Variants in FUBP3 observed in about 807,000 individuals in gnomAD.
FUBP3 encodes the protein far upstream element binding protein 3.
A neutral mutation model predicts 85.6 loss-of-function variants in FUBP3; 28 were observed. The observed-to-expected ratio is 0.33, with a 90% CI of 0.24 to 0.45. The LOEUF is 0.45. Among genes scored for constraint, FUBP3 ranks in the 20% least tolerant of loss-of-function variants. The pLI is 1.00. For missense variants in FUBP3, 583 were observed against 755.1 expected (o/e 0.77, Z 2.67); for synonymous variants, 271 against 271.4 (o/e 1.00, Z 0.01).
chr9:130,594,117 G>A (rs1230711964), intron 1 of FUBP3, among the ~76,000 whole-genome samples: 2 of 152,004 alleles, frequency 1.3e-5, no homozygotes, highest in African/African-American at 2.4e-5. Context: ...TTATAGGATG[G>A]GTGTATTCCT....
intron 5 of FUBP3, among the ~76,000 whole-genome samples, chr9:130,614,012 G>A (rs1432625986): frequency 6.6e-6 from 1 of 152,256 alleles, no homozygotes; most frequent in African/African-American, 2.4e-5. Context: ...ATGTGAGTGG[G>A]TCAGAAGTGA....
chr9:130,597,014 A>C (rs1220628271), intron 2 of FUBP3, among the ~76,000 whole-genome samples: 4 of 152,000 alleles, frequency 2.6e-5, no homozygotes, highest in Non-Finnish European at 5.9e-5. Context: ...ATTCGTACCC[A>C]TTAACCCCCC....
intron 2 of FUBP3, among the ~76,000 whole-genome samples, chr9:130,607,131 T>A (rs1308745530): frequency 6.9e-6 from 1 of 145,754 alleles, no homozygotes; most frequent in Non-Finnish European, 1.5e-5. Flanking sequence ...CCCAGCTAAT[T>A]TGTGTATTTT....
At chr9:130,598,550 G>A (rs527920146) in intron 2 of FUBP3, among the ~76,000 whole-genome samples, 65 of 152,378 alleles carry the variant, frequency 4.3e-4, no homozygotes, top group African/African-American at 1.5e-3. Context: ...AAAAGGTAAA[G>A]AGGTTACTTT....
chr9:130,590,856 A>C (rs1830592532), intron 1 of FUBP3, among the ~76,000 whole-genome samples: 1 of 152,032 alleles, frequency 6.6e-6, no homozygotes, highest in Admixed American at 6.6e-5. Context: ...GAAAATAGGA[A>C]ATTAATGTTT....
intron 2 of FUBP3, among the ~76,000 whole-genome samples, chr9:130,605,520 G>A (rs552083804): frequency 2.0e-5 from 3 of 152,350 alleles, no homozygotes; most frequent in Admixed American, 6.5e-5. Flanking sequence ...CAGTGTGATC[G>A]CACCTTCCTC....
rs1353244444 is a variant in FUBP3 at position 130,637,984 on chromosome 9, T to TA, written c.*964dup. ...CTAGATGAATAAATAAATCTAGTATTAACCGCATTATGAATTAAATAATTT... is the reference window on the plus strand; with the variant it reads ...CTAGATGAATAAATAAATCTAGTATTAAACCGCATTATGAATTAAATAATTT... On this transcript the variant is annotated 3_prime_UTR_variant, in exon 19 of 19. Coordinates refer to ENST00000319725, the MANE Select transcript of FUBP3 (RefSeq NM_003934.2). 6 of 152,618 alleles carry TA rather than the reference T, an allele frequency of 3.9e-5. No individual in the cohort carries two copies. Among genetic ancestry groups the TA allele is most frequent in the Admixed American group, 3.9e-4 (6 of 15,270 alleles). The allele number at this position is 152,618 out of a possible 1,614,324, so 9.5% of individuals were successfully genotyped here. A position where few individuals can be genotyped will look rare whatever the true frequency, so the allele number is the denominator to read the frequency against.
intron 2 of FUBP3, 151 bp from the exon 3 acceptor site, chr9:130,609,803 G>A (rs571704147): frequency 1.9e-4 from 128 of 658,770 alleles, no homozygotes; most frequent in African/African-American, 1.8e-3. Flanking sequence ...ATCATATAAC[G>A]CATTCATTTC....
In FUBP3 at chr9:130,617,727, G is replaced by A. The variant is rs887840811; in HGVS notation, c.568-70G>A. ...GCTTATTGTGGGTGTGACTGGGTCC[G>A]ATTTTGTGCTGCCCTGCATTTCATG... On this transcript the variant is annotated intron_variant, in intron 7 of 18. Coordinates refer to ENST00000319725, the MANE Select transcript of FUBP3 (RefSeq NM_003934.2). The A allele has an allele frequency of 6.3e-5, 62 of 987,014 alleles. 1 individual carries two copies. In the Middle Eastern group the frequency reaches 9.9e-4, roughly 16 times the overall value. 61.1% of individuals were successfully genotyped at this position (987,014 alleles called of 1,614,324 possible). A position where few individuals can be genotyped will look rare whatever the true frequency, so the allele number is the denominator to read the frequency against.
intron 1 of FUBP3, among the ~76,000 whole-genome samples, chr9:130,589,766 G>A (rs546553022): frequency 7.4e-6 from 1 of 134,418 alleles, no homozygotes; most frequent in Non-Finnish European, 1.5e-5. Context: ...GCTATGGTGT[G>A]GTGGCTTAAC....
At chr9:130,589,624 A>C (rs1450903646) in intron 1 of FUBP3, among the ~76,000 whole-genome samples, 1 of 145,764 alleles carries the variant, frequency 6.9e-6, no homozygotes, top group Non-Finnish European at 1.5e-5. Context: ...GATTACAGGC[A>C]TGAACCCCTG....
intron 2 of FUBP3, among the ~76,000 whole-genome samples, chr9:130,606,714 G>T (rs985499666): frequency 1.3e-5 from 2 of 152,218 alleles, no homozygotes; most frequent in South Asian, 2.1e-4. Context: ...CAGCTACTCG[G>T]GAAGCTGAGG....
At chr9:130,626,995 C>T (rs752285598) in intron 12 of FUBP3, among the ~76,000 whole-genome samples, 3 of 152,174 alleles carry the variant, frequency 2.0e-5, no homozygotes, top group Non-Finnish European at 4.4e-5. Context: ...GCATATTTAC[C>T]GTGAGTCACG....
At chr9:130,631,319 C>G in intron 13 of FUBP3, 1 of 1,397,994 alleles carries the variant, frequency 7.2e-7, no homozygotes, top group Non-Finnish European at 9.3e-7. Flanking sequence ...CAGGGTGATG[C>G]CAGGGCAGTT....
Position 130,635,879 on chromosome 9 carries a change from C to T in FUBP3, c.1583-120C>T, listed in dbSNP as rs1830396018. ...CAACACCAGCCTCACCTCACTGCCT[C>T]CCAGACCTCCCTGCCTTCCAGCCGT... is the stretch of plus-strand genomic sequence containing the variant. On this transcript the variant is annotated intron_variant, in intron 17 of 18. Transcript: ENST00000319725. The surrounding 1 kb of genome is among the most constrained non-coding windows in gnomAD (Gnocchi z 4.3). 1 of 1,054,624 alleles carries T rather than the reference C, an allele frequency of 9.5e-7. No homozygotes were observed. The highest frequency in any genetic ancestry group is 1.6e-5 in the African/African-American group (1 of 63,296). The allele number at this position is 1,054,624 out of a possible 1,614,324, so 65.3% of individuals were successfully genotyped here.
At chr9:130,624,901 C>T (rs1189691605) in intron 11 of FUBP3, among the ~76,000 whole-genome samples, 2 of 152,054 alleles carry the variant, frequency 1.3e-5, no homozygotes, top group African/African-American at 4.8e-5. Flanking sequence ...GCCTGACCAA[C>T]ATGGTGAAAC....
chr9:130,614,627 A>G (rs1263283089), intron 6 of FUBP3, among the ~76,000 whole-genome samples: 3 of 152,184 alleles, frequency 2.0e-5, no homozygotes, highest in African/African-American at 4.8e-5. Context: ...TGAATGCTCT[A>G]ATCAACTTAC....
At chr9:130,594,508 A>G (rs1830767108) in intron 1 of FUBP3, among the ~76,000 whole-genome samples, 1 of 152,016 alleles carries the variant, frequency 6.6e-6, no homozygotes, top group South Asian at 2.1e-4. Context: ...GCTTGAACCC[A>G]GGAGGCAGAG....
At chr9:130,608,814 A>G (rs2119063406) in intron 2 of FUBP3, among the ~76,000 whole-genome samples, 1 of 152,164 alleles carries the variant, frequency 6.6e-6, no homozygotes, top group East Asian at 1.9e-4. Flanking sequence ...TCTTCTTTTT[A>G]AATGTCACGG....
Sources: gnomAD v4.1 joint callset for allele counts (sites outside exome capture counted in the v4.1 genomes callset) on GRCh38, gnomAD v4.1.1 for gene constraint, Gnocchi (gnomAD v3.1) non-coding constraint, MANE v1.5 for transcripts, NCBI Gene and HGNC (gene_info 2026-07-23, HGNC 2026-07-21) for gene names.